The following ZBTB20 variants were observed in gnomAD, a reference collection of about 807,000 sequenced individuals.
The protein encoded by ZBTB20 is zinc finger and BTB domain containing 20.
ZBTB20 carries 9 observed loss-of-function variants against 56.9 expected under a neutral mutation model. The ratio of observed to expected loss-of-function variants is 0.16; its 90% CI spans 0.10 to 0.28. The LOEUF (loss-of-function observed/expected upper bound fraction) is 0.28, where lower values mean the gene tolerates loss of function less well. ZBTB20 is among the 10% of genes least tolerant of loss of function. ZBTB20 has a pLI of 1.00. For missense variants in ZBTB20, 655 were observed against 1,003.0 expected (o/e 0.65, Z 4.69); for synonymous variants, 417 against 420.7 (o/e 0.99, Z 0.11).
intron 10 of ZBTB20, among the ~76,000 whole-genome samples, chr3:114,366,331 A>C (rs2082394285): frequency 6.7e-6 from 1 of 150,358 alleles, no homozygotes; most frequent in Non-Finnish European, 1.5e-5. Flanking sequence ...TGTTATATTC[A>C]TTCCTTTCTT....
chr3:114,870,402 A>G (rs532719902), intron 4 of ZBTB20, among the ~76,000 whole-genome samples: 2 of 150,400 alleles, frequency 1.3e-5, no homozygotes, highest in African/African-American at 2.4e-5. Context: ...GAGGACTGTC[A>G]TCTAGTATGA....
chr3:114,771,079 T>A (rs888182110), intron 5 of ZBTB20, among the ~76,000 whole-genome samples: 2 of 152,244 alleles, frequency 1.3e-5, no homozygotes, highest in African/African-American at 4.8e-5. Flanking sequence ...TGACTTCTGT[T>A]ACGCAATTGC....
At chr3:114,708,135 G>A (rs541665053) in intron 5 of ZBTB20, among the ~76,000 whole-genome samples, 74 of 152,248 alleles carry the variant, frequency 4.9e-4, no homozygotes, top group Non-Finnish European at 8.5e-4. Context: ...AGAAAGAAAC[G>A]CAATCTAATC....
chr3:114,721,447 G>A (rs938721378), intron 5 of ZBTB20, among the ~76,000 whole-genome samples: 1 of 152,134 alleles, frequency 6.6e-6, no homozygotes, highest in Non-Finnish European at 1.5e-5. Context: ...GAAATAACAT[G>A]TTCTAGAGAC....
chr3:114,984,605 C>G (rs1228900992), intron 2 of ZBTB20, among the ~76,000 whole-genome samples: 1 of 152,040 alleles, frequency 6.6e-6, no homozygotes, highest in Admixed American at 6.6e-5. Context: ...TCAGTGTATT[C>G]TCTCTTCTCA....
chr3:114,941,477 G>A (rs976064749), intron 3 of ZBTB20, among the ~76,000 whole-genome samples: 2 of 146,072 alleles, frequency 1.4e-5, no homozygotes, highest in East Asian at 3.9e-4. Flanking sequence ...ACTTAGGACC[G>A]TAAATTTTCA....
At chr3:114,914,900 T>C (rs769259525) in intron 3 of ZBTB20, among the ~76,000 whole-genome samples, 7 of 151,974 alleles carry the variant, frequency 4.6e-5, no homozygotes, top group Non-Finnish European at 8.8e-5. Context: ...TGAATAATCA[T>C]TGAGGCCTGG....
At chr3:115,077,081 T>C (rs972824089) in intron 1 of ZBTB20, among the ~76,000 whole-genome samples, 2 of 152,142 alleles carry the variant, frequency 1.3e-5, no homozygotes, top group Admixed American at 6.5e-5. Flanking sequence ...CCAGGGACCA[T>C]TACTGGTCTG....
At chr3:114,499,289 G>A (rs922151745) in intron 7 of ZBTB20, among the ~76,000 whole-genome samples, 2 of 152,274 alleles carry the variant, frequency 1.3e-5, no homozygotes, top group Middle Eastern at 3.4e-3. Context: ...AAACTGTCAC[G>A]TTACACTTTA....
chr3:115,015,550 A>C (rs983558705), intron 2 of ZBTB20, among the ~76,000 whole-genome samples: 1 of 151,752 alleles, frequency 6.6e-6, no homozygotes. Context: ...GCTCCCACTT[A>C]TAAGTGAGAA....
chr3:114,837,808 G>A (rs2074194112), intron 4 of ZBTB20, among the ~76,000 whole-genome samples: 1 of 152,128 alleles, frequency 6.6e-6, no homozygotes, highest in Admixed American at 6.6e-5. Context: ...AATAGAGGAT[G>A]TGGAGATCAG....
chr3:114,958,842 G>A (rs2077342634), intron 3 of ZBTB20, among the ~76,000 whole-genome samples: 1 of 149,372 alleles, frequency 6.7e-6, no homozygotes, highest in South Asian at 2.1e-4. Flanking sequence ...TAGAGTGAGA[G>A]TCTGTCTCAG....
chr3:114,875,588 T>A (rs747123660), intron 4 of ZBTB20, among the ~76,000 whole-genome samples: 1 of 152,058 alleles, frequency 6.6e-6, no homozygotes, highest in Non-Finnish European at 1.5e-5. Context: ...AGATATATGA[T>A]GCGTATAGAA....
chr3:115,037,696 C>T (rs1024680411), intron 2 of ZBTB20, among the ~76,000 whole-genome samples: 2 of 152,158 alleles, frequency 1.3e-5, no homozygotes, highest in East Asian at 1.9e-4. Flanking sequence ...TTCCAAAGCA[C>T]AACAGGAGCT....
chr3:114,843,200 T>G (rs1257743837), intron 4 of ZBTB20, among the ~76,000 whole-genome samples: 1 of 152,174 alleles, frequency 6.6e-6, no homozygotes, highest in Non-Finnish European at 1.5e-5. Context: ...CTCAGGTAGT[T>G]CTTTATAGCA....
chr3:115,037,286 G>A (rs562780066), intron 2 of ZBTB20, among the ~76,000 whole-genome samples: 1 of 151,946 alleles, frequency 6.6e-6, no homozygotes, highest in Admixed American at 6.6e-5. Flanking sequence ...TTTTGGGGGG[G>A]GCGGAGTGAG....
chr3:114,920,987 G>C (rs1374325204), intron 3 of ZBTB20, among the ~76,000 whole-genome samples: 1 of 152,088 alleles, frequency 6.6e-6, no homozygotes, highest in Non-Finnish European at 1.5e-5. Flanking sequence ...AGATAACTTA[G>C]TAAAAAATAA....
chr3:114,954,660 G>A (rs886281396), intron 3 of ZBTB20, among the ~76,000 whole-genome samples: 3 of 152,188 alleles, frequency 2.0e-5, no homozygotes, highest in Admixed American at 1.3e-4. Context: ...CAGGGCCAGT[G>A]CCAGCATGCT....
chr3:114,564,359 A>AG (rs911007765), intron 6 of ZBTB20, among the ~76,000 whole-genome samples: 20 of 152,102 alleles, frequency 1.3e-4, no homozygotes, highest in Non-Finnish European at 2.2e-4. Flanking sequence ...TGGGGTGGGG[A>AG]GGGGGGCATT....
Sources: gnomAD v4.1 joint callset for allele counts (sites outside exome capture counted in the v4.1 genomes callset) on GRCh38, gnomAD v4.1.1 for gene constraint, MANE v1.5 for transcripts, NCBI Gene and HGNC (gene_info 2026-07-23, HGNC 2026-07-21) for gene names.